SPAG16: variants seen among roughly 807,000 people sequenced by gnomAD.
SPAG16 encodes sperm associated antigen 16.
A neutral mutation model predicts 80.4 loss-of-function variants in SPAG16; 86 were observed. The ratio of observed to expected loss-of-function variants is 1.07; its 90% CI spans 0.90 to 1.28. The LOEUF (loss-of-function observed/expected upper bound fraction) is 1.28, where lower values mean the gene tolerates loss of function less well. Ranked by LOEUF, SPAG16 falls within the 50% of genes most tolerant of loss-of-function variation. SPAG16 has a pLI of 0.00. For synonymous variants in SPAG16, 294 were observed against 265.9 expected, an observed-to-expected ratio of 1.11 and a Z score of -1.03; for missense variants, 870 against 765.3, an observed-to-expected ratio of 1.14 and a Z score of -1.61.
intron 15 of SPAG16, among the ~76,000 whole-genome samples, chr2:214,302,642 G>A (rs994387347): frequency 1.1e-4 from 17 of 151,916 alleles, no homozygotes; most frequent in Admixed American, 2.6e-4. Flanking sequence ...CACCGCACCC[G>A]GCTAATTTTT....
chr2:213,366,946 C>T (rs1346827047), intron 8 of SPAG16, among the ~76,000 whole-genome samples: 1 of 152,028 alleles, frequency 6.6e-6, no homozygotes, highest in African/African-American at 2.4e-5. Flanking sequence ...ATTCCCCCTA[C>T]CCCATGACAG....
At chr2:214,209,109 G>A (rs2125741525) in intron 15 of SPAG16, among the ~76,000 whole-genome samples, 2 of 152,140 alleles carry the variant, frequency 1.3e-5, no homozygotes, top group South Asian at 4.2e-4. Context: ...GATCCCATTA[G>A]CTAAAAGGAT....
At chr2:214,352,238 G>T (rs1698461671) in intron 15 of SPAG16, among the ~76,000 whole-genome samples, 1 of 152,110 alleles carries the variant, frequency 6.6e-6, no homozygotes. Flanking sequence ...ATAGCAATGA[G>T]TTAGTACTTT....
chr2:213,806,791 C>T (rs1004965225), intron 10 of SPAG16, among the ~76,000 whole-genome samples: 1 of 152,104 alleles, frequency 6.6e-6, no homozygotes, highest in African/African-American at 2.4e-5. Context: ...AATACAATCA[C>T]ATGTACCTAA....
chr2:213,375,849 A>G (rs2066857681), intron 9 of SPAG16, among the ~76,000 whole-genome samples: 1 of 151,748 alleles, frequency 6.6e-6, no homozygotes, highest in Non-Finnish European at 1.5e-5. Flanking sequence ...ATGAATTCAA[A>G]TAATAGCATT....
chr2:213,978,540 C>CCA (rs527662168), intron 12 of SPAG16, among the ~76,000 whole-genome samples: 157 of 152,102 alleles, frequency 1.0e-3, no homozygotes, highest in Non-Finnish European at 1.9e-3. Flanking sequence ...TATTGTGGCA[C>CCA]CACACTACTT....
chr2:214,189,262 A>C (rs1428854984), intron 15 of SPAG16, among the ~76,000 whole-genome samples: 1 of 152,104 alleles, frequency 6.6e-6, no homozygotes, highest in East Asian at 1.9e-4. Context: ...CTAATGTGGA[A>C]TAATAATGAG....
intron 10 of SPAG16, among the ~76,000 whole-genome samples, chr2:213,698,262 G>T (rs535663653): frequency 3.3e-5 from 5 of 151,664 alleles, no homozygotes; most frequent in Non-Finnish European, 7.4e-5. Flanking sequence ...TTATTATTAT[G>T]ATGATTATTA....
chr2:213,476,619 T>A (rs2073409107), intron 9 of SPAG16, among the ~76,000 whole-genome samples: 2 of 152,206 alleles, frequency 1.3e-5, no homozygotes, highest in South Asian at 4.1e-4. Context: ...CAAACTTTAA[T>A]TGATCCTGGA....
intron 14 of SPAG16, among the ~76,000 whole-genome samples, chr2:214,121,277 A>G (rs2054207810): frequency 6.6e-6 from 1 of 151,856 alleles, no homozygotes; most frequent in Non-Finnish European, 1.5e-5. Context: ...ATAGCATTGT[A>G]TCATTAGATC....
At chr2:214,188,102 G>A (rs957383819) in intron 15 of SPAG16, among the ~76,000 whole-genome samples, 37 of 152,024 alleles carry the variant, frequency 2.4e-4, no homozygotes, top group Non-Finnish European at 4.4e-5. Context: ...CCCTTTCTTT[G>A]CATATCCACT....
intron 10 of SPAG16, among the ~76,000 whole-genome samples, chr2:213,524,736 T>C (rs182219466): frequency 6.6e-6 from 1 of 152,364 alleles, no homozygotes; most frequent in East Asian, 1.9e-4. Flanking sequence ...TGAATGGGTG[T>C]ATTTACCTAA....
At position 213,381,783 on chromosome 2, in the gene SPAG16, A is replaced by G. The variant is rs1163256505; in HGVS notation, c.942+6664A>G. On this transcript the variant is annotated intron_variant, in intron 9 of 15. Coordinates refer to ENST00000331683, the MANE Select transcript of SPAG16 (RefSeq NM_024532.5). ...CTTAGATCTTATCTCAGAATTTCCA[A>G]CCTTATTCTTTTATAAACCCCTAAC... Among the ~76,000 whole-genome samples, 4 of 152,126 alleles carry G rather than the reference A, an allele frequency of 2.6e-5. No individual in the cohort carries two copies. In the East Asian group the frequency reaches 7.7e-4, roughly 29 times the overall value.
chr2:213,429,194 A>G (rs182394957), intron 9 of SPAG16, among the ~76,000 whole-genome samples: 1 of 152,114 alleles, frequency 6.6e-6, no homozygotes. Context: ...TGATACAGCA[A>G]TAATTGCTCT....
At chr2:213,851,588 G>T (rs1450289292) in intron 10 of SPAG16, among the ~76,000 whole-genome samples, 2 of 152,280 alleles carry the variant, frequency 1.3e-5, no homozygotes, top group East Asian at 1.9e-4. Context: ...GTACCATTGA[G>T]TATCTATTAG....
intron 13 of SPAG16, among the ~76,000 whole-genome samples, chr2:214,092,506 A>ATAT (rs2052285938): frequency 1.4e-5 from 2 of 147,784 alleles, no homozygotes; most frequent in Admixed American, 1.4e-4. Context: ...TATATATATA[A>ATAT]ATATATATAT....
At chr2:213,652,549 G>C (rs993238458) in intron 10 of SPAG16, among the ~76,000 whole-genome samples, 9 of 151,918 alleles carry the variant, frequency 5.9e-5, no homozygotes, top group African/African-American at 2.4e-5. Flanking sequence ...CATCCCTTGC[G>C]AGCATTTCAT....
intron 10 of SPAG16, among the ~76,000 whole-genome samples, chr2:213,667,054 G>T (rs140340212): frequency 6.4e-4 from 97 of 152,248 alleles, no homozygotes; most frequent in Middle Eastern, 3.4e-3. Context: ...GGAGGTAATG[G>T]AGAAAAGGTT....
chr2:214,006,139 A>T (rs1246371586), intron 12 of SPAG16, among the ~76,000 whole-genome samples: 1 of 152,138 alleles, frequency 6.6e-6, no homozygotes, highest in East Asian at 1.9e-4. Flanking sequence ...ATGTTCACTT[A>T]AAAAATATCT....
Sources: allele counts gnomAD v4.1 joint callset (sites outside exome capture counted in the v4.1 genomes callset), GRCh38; gene constraint gnomAD v4.1.1; transcripts MANE v1.5; gene names NCBI Gene and HGNC (gene_info 2026-07-23, HGNC 2026-07-21).